The following FBXO46 variants were observed in gnomAD, a reference collection of about 807,000 sequenced individuals.
FBXO46 encodes the protein F-box protein 46.
A neutral mutation model predicts 30.7 loss-of-function variants in FBXO46; 13 were observed. The observed-to-expected ratio is 0.42, with a 90% CI of 0.28 to 0.67. The LOEUF (loss-of-function observed/expected upper bound fraction) is 0.67, where lower values mean the gene tolerates loss of function less well. Ranked by LOEUF, FBXO46 falls within the 30% of genes least tolerant of loss-of-function variation. The pLI is 0.21. For missense variants in FBXO46, 754 were observed against 871.5 expected, an observed-to-expected ratio of 0.87 and a Z score of 1.70; for synonymous variants, 467 against 385.8, an observed-to-expected ratio of 1.21 and a Z score of -2.47.
Position 45,712,448 on chromosome 19 carries a change from C to T in FBXO46, c.1048G>A (p.Ala350Thr), listed in dbSNP as rs1197495204. Reference protein sequence around the residue: ...APARPEDTPPAPPPPPARDCG... With the variant: ...APARPEDTPPTPPPPPARDCG... ...TCCCGGGCAGGGGGCGGAGGGGGCG[C>T]CGGGGGAGTGTCCTCAGGCCTGGCG... Residue 350 changes from alanine to threonine, a missense_variant, in exon 2 of 2, where the codon GCG becomes ACG. Physicochemically the swap from Ala to Thr is moderately conservative, Grantham distance 58 (BLOSUM62 0). This residue lies in a region of FBXO46 where 454 missense variants were observed against 426.5 expected (regional missense o/e 1.06). Coordinates refer to ENST00000317683, the MANE Select transcript of FBXO46 (RefSeq NM_001080469.2). This position sits in a 1 kb window ranked among gnomAD's most constrained non-coding sequence, Gnocchi z 8.8. 1 of 1,611,106 alleles carries T rather than the reference C, an allele frequency of 6.2e-7. No individual in the cohort carries two copies. Among genetic ancestry groups the T allele is most frequent in the Non-Finnish European group, 8.5e-7 (1 of 1,179,234 alleles).
At chr19:45,725,953 C>T (rs1359210301) in intron 1 of FBXO46, among the ~76,000 whole-genome samples, 2 of 152,080 alleles carry the variant, frequency 1.3e-5, no homozygotes, top group African/African-American at 2.4e-5. Context: ...CTCACTGCAC[C>T]TTCCACCTCC....
chr19:45,712,994 C>G lies in FBXO46; in HGVS notation c.502G>C (p.Asp168His). 2 of 1,568,416 alleles carry G rather than the reference C, an allele frequency of 1.3e-6. No individual in the cohort carries two copies. The highest frequency in any genetic ancestry group is 1.7e-6 in the Non-Finnish European group (2 of 1,157,246). The change falls in exon 2 of 2, where the codon GAC becomes CAC. Residue 168 changes from aspartate (D) to histidine (H), a missense_variant. Transcript: ENST00000317683. This position sits in a 1 kb window ranked among gnomAD's most constrained non-coding sequence, Gnocchi z 8.8. Reference protein sequence around the residue: ...EGPASAGEDVDLLSVAEMVAL... With the variant: ...EGPASAGEDVHLLSVAEMVAL... ...ACCATCTCGGCCACAGAGAGCAGGT[C>G]CACGTCCTCACCGGCTGAGGCGGGG...
At chr19:45,716,280 C>G (rs1283644771) in intron 1 of FBXO46, 1 of 152,146 alleles carries the variant, frequency 6.6e-6, no homozygotes, top group Non-Finnish European at 1.5e-5. Flanking sequence ...ACCTGTATAA[C>G]CAACTGCCCA....
At position 45,712,860 on chromosome 19, in the gene FBXO46, C is replaced by G. The variant is rs764463992; in HGVS notation, c.636G>C (p.Gly212=). ...CACCGGACCGCCGTTCAGATCCCAC[C>G]CCCTTGGCCGGTCCACCTTGCTCGG... ...VSAEQGGPAK[G]VGSERRSGGG... The change falls in exon 2 of 2, where the codon GGG becomes GGC. Residue 212 remains glycine (G), a synonymous_variant. Coordinates refer to ENST00000317683, the MANE Select transcript of FBXO46 (RefSeq NM_001080469.2). This position sits in a 1 kb window ranked among gnomAD's most constrained non-coding sequence, Gnocchi z 8.8. 10 of 1,613,374 alleles carry G rather than the reference C, an allele frequency of 6.2e-6. No individual in the cohort carries two copies. In the Admixed American group the frequency reaches 6.7e-5, roughly 11 times the overall value.
rs1186453924 is a variant in FBXO46, at chr19:45,711,022, G to C, written c.*662C>G. 4.3e-6 allele frequency: 1 copy of C among 230,036 alleles called. No individual in the cohort carries two copies. The highest frequency in any genetic ancestry group is 3.1e-5 in the African/African-American group (1 of 32,776). The allele number at this position is 230,036 out of a possible 1,614,324, so 14.2% of individuals were successfully genotyped here. A position where few individuals can be genotyped will look rare whatever the true frequency, so the allele number is the denominator to read the frequency against. ...GGAGGAGGAGGGTTTTTATACTTCA[G>C]CTTTTTTTTTGTCTGCCCCCCTCTT... is the stretch of plus-strand genomic sequence containing the variant. On this transcript the variant is annotated 3_prime_UTR_variant, in exon 2 of 2. Coordinates refer to ENST00000317683, the MANE Select transcript of FBXO46 (RefSeq NM_001080469.2).
At chr19:45,732,788 A>C (rs1427274789), upstream of FBXO46, among the ~76,000 whole-genome samples, 1 of 151,462 alleles carries the variant, frequency 6.6e-6, no homozygotes, top group Non-Finnish European at 1.5e-5. Context: ...ACGGGGTTTC[A>C]CCATTGTTGG....
Position 45,713,988 on chromosome 19 carries a change from A to T in FBXO46, c.-78-415T>A, listed in dbSNP as rs1223789874. Among the ~76,000 whole-genome samples the T allele has an allele frequency of 6.7e-6, 1 of 150,372 alleles. No individual in the cohort carries two copies. Among genetic ancestry groups the T allele is most frequent in the East Asian group, 1.9e-4 (1 of 5,164 alleles). ...CGTCTCAAAAAAAAAAAAAAAAAAAAAAAGAACTCTATTCCCACTGCCATG... is the reference window on the plus strand; with the variant it reads ...CGTCTCAAAAAAAAAAAAAAAAAAATAAAGAACTCTATTCCCACTGCCATG... On this transcript the variant is annotated intron_variant, in intron 1 of 1. Coordinates refer to ENST00000317683, the MANE Select transcript of FBXO46 (RefSeq NM_001080469.2). The surrounding 1 kb of genome is among the most constrained non-coding windows in gnomAD (Gnocchi z 4.7).
At chr19:45,714,648 T>G (rs922148322) in intron 1 of FBXO46, 1 of 152,052 alleles carries the variant, frequency 6.6e-6, no homozygotes, top group African/African-American at 2.4e-5. Flanking sequence ...GCCTGTAATC[T>G]TAGCACTTTG....
In FBXO46 at chr19:45,715,825, A is replaced by AC. The variant is rs1968083408; in HGVS notation, c.-78-2253_-78-2252insG. 3 of 149,568 alleles carry AC rather than the reference A, an allele frequency of 2.0e-5. No homozygotes were observed. In the Admixed American group the frequency reaches 2.0e-4, roughly 10 times the overall value. The allele number at this position is 149,568 out of a possible 1,614,324, so 9.3% of individuals were successfully genotyped here. A position where few individuals can be genotyped will look rare whatever the true frequency, so the allele number is the denominator to read the frequency against. ...CCATCTCAAAAAAAAAAAAAAAAAA[A>AC]AGAAAGAAAACAAAACAAAATCCAG... On this transcript the variant is annotated intron_variant, in intron 1 of 1. Transcript: ENST00000317683.
intron 1 of FBXO46, 64 bp downstream of exon 1, chr19:45,730,785 G>C (rs2146165478): frequency 7.8e-6 from 1 of 127,694 alleles, no homozygotes; most frequent in Non-Finnish European, 1.6e-5. Flanking sequence ...CTTCCCCCTC[G>C]TCACCCGGTC....
chr19:45,718,476 G>A (rs968419264), intron 1 of FBXO46, among the ~76,000 whole-genome samples: 4 of 152,082 alleles, frequency 2.6e-5, no homozygotes, highest in Non-Finnish European at 4.4e-5. Flanking sequence ...GCGTCCATGC[G>A]GTGGGCTCAT....
chr19:45,713,451 C>T lies in FBXO46; in HGVS notation c.45G>A (p.Arg15=). The change falls in exon 2 of 2, where the codon CGG becomes CGA. Residue 15 remains arginine (R), a synonymous_variant. Coordinates refer to ENST00000317683, the MANE Select transcript of FBXO46 (RefSeq NM_001080469.2). The surrounding 1 kb of genome is among the most constrained non-coding windows in gnomAD (Gnocchi z 4.7). ...SLLPFQLWCP[R]PFGTYSQNQP... is the part of the protein sequence containing the mutation. ...GGTTCTGTGAGTAGGTGCCAAAGGG[C>T]CGGGGGCACCATAGCTGGAAGGGCA... 1 of 1,592,452 alleles carries T rather than the reference C, an allele frequency of 6.3e-7. No homozygotes were observed. Among genetic ancestry groups the T allele is most frequent in the Non-Finnish European group, 8.6e-7 (1 of 1,165,260 alleles).
intron 1 of FBXO46, among the ~76,000 whole-genome samples, chr19:45,719,261 ATAAAT>A (rs896761482): frequency 2.6e-5 from 4 of 152,158 alleles, no homozygotes; most frequent in African/African-American, 9.7e-5. Flanking sequence ...TAAATTAAAA[ATAAAT>A]TAAATAAATA....
intron 1 of FBXO46, among the ~76,000 whole-genome samples, chr19:45,719,819 A>G (rs1367623463): frequency 6.6e-6 from 1 of 152,208 alleles, no homozygotes; most frequent in African/African-American, 2.4e-5. Flanking sequence ...ACCAACATGA[A>G]TATATTAGAA....
chr19:45,715,207 TTCTC>T (rs1335119385), intron 1 of FBXO46: 2 of 152,220 alleles, frequency 1.3e-5, no homozygotes, highest in Non-Finnish European at 2.9e-5. Context: ...GCCTCAATCT[TTCTC>T]TGGCTCATCT....
At chr19:45,716,111 TG>T (rs1968087746) in intron 1 of FBXO46, 1 of 152,184 alleles carries the variant, frequency 6.6e-6, no homozygotes. Flanking sequence ...ACTTTTTGAG[TG>T]CCAAGATGAC....
chr19:45,721,016 AAGAAGT>A (rs1197751332), intron 1 of FBXO46, among the ~76,000 whole-genome samples: 14 of 145,476 alleles, frequency 9.6e-5, no homozygotes, highest in African/African-American at 3.4e-4. Context: ...AAAAAAAAAA[AAGAAGT>A]GAAGCGGGGA....
intron 1 of FBXO46, among the ~76,000 whole-genome samples, chr19:45,724,194 A>G (rs1968209141): frequency 6.6e-6 from 1 of 152,154 alleles, no homozygotes; most frequent in African/African-American, 2.4e-5. Flanking sequence ...GTGTCAGATC[A>G]CCCCAGGGTG....
upstream of FBXO46, among the ~76,000 whole-genome samples, chr19:45,731,333 T>C (rs1372195648): frequency 6.6e-6 from 1 of 150,820 alleles, no homozygotes; most frequent in Non-Finnish European, 1.5e-5. Context: ...TTTTTTTTTT[T>C]TGAGACGGAG....
Sources: gnomAD v4.1 joint callset for allele counts (sites outside exome capture counted in the v4.1 genomes callset) on GRCh38, gnomAD v4.1.1 for gene constraint, gnomAD v4.1.1 regional missense constraint, Gnocchi (gnomAD v3.1) non-coding constraint, MANE v1.5 for transcripts, NCBI Gene and HGNC (gene_info 2026-07-23, HGNC 2026-07-21) for gene names.